Variants in LUZP1 observed in about 807,000 individuals in gnomAD.
LUZP1 encodes the protein filamin mechanobinding actin cross-linking protein.
In LUZP1, 25 loss-of-function variants were observed where a neutral mutation model predicts 71.3. The observed-to-expected ratio is 0.35, with a 90% CI of 0.26 to 0.49. The LOEUF (loss-of-function observed/expected upper bound fraction) is 0.49. LUZP1 is among the 20% of genes least tolerant of loss of function. The probability of loss-of-function intolerance (pLI) is 0.99; values close to 1 mark genes in which losing one functional copy is unlikely to be tolerated. For synonymous variants in LUZP1, 481 were observed against 506.4 expected (o/e 0.95, Z 0.67); for missense variants, 1,142 against 1,300.8 (o/e 0.88, Z 1.88).
At chr1:23,116,448 G>A (rs988596884) in intron 2 of LUZP1, among the ~76,000 whole-genome samples, 11 of 152,052 alleles carry the variant, frequency 7.2e-5, no homozygotes, top group Non-Finnish European at 1.6e-4. Context: ...TTGAGCCCAC[G>A]TGTTCAAGGT....
At chr1:23,144,087 A>G (rs538123774) in intron 2 of LUZP1, among the ~76,000 whole-genome samples, 1 of 152,236 alleles carries the variant, frequency 6.6e-6, no homozygotes, top group African/African-American at 2.4e-5. Context: ...TGCTGAAGAC[A>G]GTGCTTTTAC....
chr1:23,167,458 G>A (rs1644518829), intron 2 of LUZP1, among the ~76,000 whole-genome samples: 1 of 152,062 alleles, frequency 6.6e-6, no homozygotes, highest in East Asian at 1.9e-4. Context: ...TTCTCCCAAG[G>A]TCATTCAAGT....
exon 1 of LUZP1, chr1:23,177,790 C>G (rs1017151438): frequency 5.9e-5 from 9 of 152,174 alleles, no homozygotes; most frequent in African/African-American, 2.2e-4. Context: ...GGGAAGCCGC[C>G]GGTGCCGGGC....
chr1:23,150,163 T>C (rs1281245212), intron 2 of LUZP1, among the ~76,000 whole-genome samples: 2 of 151,988 alleles, frequency 1.3e-5, no homozygotes, highest in Non-Finnish European at 2.9e-5. Flanking sequence ...TACTGGATAC[T>C]AGAGAATGCA....
intron 2 of LUZP1, among the ~76,000 whole-genome samples, chr1:23,146,030 A>C (rs943554485): frequency 2.6e-5 from 4 of 152,058 alleles, no homozygotes; most frequent in African/African-American, 9.7e-5. Context: ...CACCATCGTA[A>C]CACCACCATC....
At chr1:23,158,389 G>A (rs918071876) in intron 2 of LUZP1, among the ~76,000 whole-genome samples, 3 of 152,142 alleles carry the variant, frequency 2.0e-5, no homozygotes, top group African/African-American at 7.2e-5. Flanking sequence ...AGTGGCTCAC[G>A]CCTGTAATCC....
chr1:23,094,691 C>A lies in LUZP1; in HGVS notation c.-119-311G>T, dbSNP rs1643883635. 6.6e-6 allele frequency among the ~76,000 whole-genome samples: 1 copy of A among 152,124 alleles called. No individual in the cohort carries two copies. Among genetic ancestry groups the A allele is most frequent in the African/African-American group, 2.4e-5 (1 of 41,436 alleles). On this transcript the variant is annotated intron_variant, in intron 3 of 4. Transcript: ENST00000302291. The surrounding 1 kb of genome is among the most constrained non-coding windows in gnomAD (Gnocchi z 4.7). The stretch of plus-strand genomic sequence containing the variant: ...TTACCATCTGCAACCTGCATAATCT[C>A]AGGAGAGTCATTAACAATGGAAACT...
At chr1:23,098,127 A>G (rs1643903217) in intron 3 of LUZP1, among the ~76,000 whole-genome samples, 1 of 152,242 alleles carries the variant, frequency 6.6e-6, no homozygotes, top group Non-Finnish European at 1.5e-5. Flanking sequence ...CAGACAAAAG[A>G]ATAGAGAAAC....
At chr1:23,113,858 G>A (rs749226462) in intron 2 of LUZP1, among the ~76,000 whole-genome samples, 8 of 149,026 alleles carry the variant, frequency 5.4e-5, no homozygotes, top group Middle Eastern at 3.5e-3. Context: ...CCAGCCTGGC[G>A]ACAGAACGAG....
intron 2 of LUZP1, among the ~76,000 whole-genome samples, chr1:23,157,040 A>G (rs929816519): frequency 3.3e-5 from 5 of 152,276 alleles, no homozygotes; most frequent in Non-Finnish European, 7.3e-5. Flanking sequence ...AAATAAATAC[A>G]TAACTTTCCA....
chr1:23,175,342 C>T (rs1333948926), intron 1 of LUZP1, among the ~76,000 whole-genome samples: 3 of 152,156 alleles, frequency 2.0e-5, no homozygotes, highest in Admixed American at 1.3e-4. Flanking sequence ...TAAGTGTATA[C>T]CCACCTATTT....
At chr1:23,131,632 CT>C (rs1171838670) in intron 2 of LUZP1, among the ~76,000 whole-genome samples, 1 of 152,128 alleles carries the variant, frequency 6.6e-6, no homozygotes, top group Non-Finnish European at 1.5e-5. Flanking sequence ...TACTGTAGTT[CT>C]CCTCAGGAGC....
At chr1:23,090,778 CTG>C (rs1643840106) in intron 4 of LUZP1, 2 of 694,962 alleles carry the variant, frequency 2.9e-6, no homozygotes, top group Non-Finnish European at 2.6e-6. Context: ...CTCCCCCTCA[CTG>C]TGCCCTACAG....
exon 1 of LUZP1, chr1:23,177,749 C>G (rs1055714307): frequency 2.6e-5 from 4 of 152,216 alleles, no homozygotes; most frequent in African/African-American, 9.7e-5. Context: ...GCCGCAGTGA[C>G]AGCTCCGCGC....
Position 23,094,520 on chromosome 1 carries a change from A to G in LUZP1, c.-119-140T>C, listed in dbSNP as rs1156710432. On this transcript the variant is annotated intron_variant, in intron 3 of 4. Coordinates refer to ENST00000302291, the Ensembl canonical transcript of LUZP1. This position sits in a 1 kb window ranked among gnomAD's most constrained non-coding sequence, Gnocchi z 4.7. ...TCAAACCTGTTGAATGAATGACTTGAATAAACCTGCAAGAAAACACTGGTT... is the reference window on the plus strand; with the variant it reads ...TCAAACCTGTTGAATGAATGACTTGGATAAACCTGCAAGAAAACACTGGTT... The G allele has an allele frequency of 7.1e-6, 3 of 424,088 alleles. No homozygotes were observed. Among genetic ancestry groups the G allele is most frequent in the Non-Finnish European group, 1.2e-5 (3 of 260,328 alleles). 26.3% of individuals were successfully genotyped at this position (424,088 alleles called of 1,614,324 possible).
intron 3 of LUZP1, among the ~76,000 whole-genome samples, chr1:23,099,878 G>A (rs994660823): frequency 6.6e-6 from 1 of 152,170 alleles, no homozygotes; most frequent in Non-Finnish European, 1.5e-5. Context: ...GGCACCCAAA[G>A]CCCTTCATGA....
intron 4 of LUZP1, among the ~76,000 whole-genome samples, chr1:23,089,553 C>T (rs764025416): frequency 1.4e-4 from 21 of 152,040 alleles, no homozygotes; most frequent in Non-Finnish European, 2.4e-4. Context: ...ATGTCCAAAG[C>T]TTCAGGGGCC....
At chr1:23,146,727 A>T (rs1399909781) in intron 2 of LUZP1, among the ~76,000 whole-genome samples, 1 of 152,088 alleles carries the variant, frequency 6.6e-6, no homozygotes, top group Non-Finnish European at 1.5e-5. Context: ...GCCCGGGAAG[A>T]TCAAGGCTGC....
chr1:23,137,728 G>C (rs1209297236), intron 2 of LUZP1, among the ~76,000 whole-genome samples: 3 of 152,126 alleles, frequency 2.0e-5, no homozygotes, highest in African/African-American at 7.2e-5. Flanking sequence ...AGAGAATGCA[G>C]AGAAACTGGA....
Sources: allele counts gnomAD v4.1 joint callset (sites outside exome capture counted in the v4.1 genomes callset), GRCh38; gene constraint gnomAD v4.1.1; non-coding constraint Gnocchi (gnomAD v3.1); transcripts MANE v1.5; gene names NCBI Gene and HGNC (gene_info 2026-07-23, HGNC 2026-07-21).